Variants in GRM7 observed in about 807,000 individuals in gnomAD.
GRM7 encodes the protein glutamate metabotropic receptor 7.
GRM7 carries 35 observed loss-of-function variants against 84.5 expected under a neutral mutation model. The ratio of observed to expected loss-of-function variants is 0.41; its 90% CI spans 0.32 to 0.55. The LOEUF is 0.55. GRM7 is among the 20% of genes least tolerant of loss of function. The probability of loss-of-function intolerance (pLI) is 0.19; values close to 1 mark genes in which losing one functional copy is unlikely to be tolerated. For missense variants in GRM7, 1,003 were observed against 1,194.6 expected (o/e 0.84, Z 2.36); for synonymous variants, 487 against 455.1 (o/e 1.07, Z -0.89).
chr3:7,086,768 T>C (rs1376407155), intron 1 of GRM7, among the ~76,000 whole-genome samples: 1 of 152,210 alleles, frequency 6.6e-6, no homozygotes, highest in Non-Finnish European at 1.5e-5. Context: ...TTTTTGTCCT[T>C]TCTTGTTACA....
intron 1 of GRM7, among the ~76,000 whole-genome samples, chr3:7,034,159 T>C (rs1176922873): frequency 1.3e-5 from 2 of 152,216 alleles, no homozygotes; most frequent in African/African-American, 4.8e-5. Flanking sequence ...CTAGGTTCCT[T>C]GAATGATCTC....
chr3:7,101,227 G>T (rs577255588), intron 1 of GRM7, among the ~76,000 whole-genome samples: 3 of 151,664 alleles, frequency 2.0e-5, no homozygotes, highest in African/African-American at 7.3e-5. Context: ...CAGACAATCC[G>T]TGAGAGTTCC....
At chr3:7,376,613 C>CGCT (rs1694362104) in intron 4 of GRM7, among the ~76,000 whole-genome samples, 1 of 152,310 alleles carries the variant, frequency 6.6e-6, no homozygotes, top group African/African-American at 2.4e-5. Context: ...GCATGTGACC[C>CGCT]GCTGCCCTGA....
chr3:7,425,333 G>A (rs1223411070), intron 5 of GRM7, among the ~76,000 whole-genome samples: 1 of 152,142 alleles, frequency 6.6e-6, no homozygotes, highest in Admixed American at 6.6e-5. Context: ...TAAAAAGCTA[G>A]CAGTCTGTAC....
chr3:7,185,323 G>T (rs1002060846), intron 2 of GRM7, among the ~76,000 whole-genome samples: 59 of 152,184 alleles, frequency 3.9e-4, no homozygotes, highest in Non-Finnish European at 6.6e-4. Context: ...AAGTGATGGG[G>T]TTTTTTTGGC....
chr3:7,623,125 C>G (rs1697437012), intron 8 of GRM7, among the ~76,000 whole-genome samples: 1 of 152,106 alleles, frequency 6.6e-6, no homozygotes, highest in Non-Finnish European at 1.5e-5. Flanking sequence ...TATAAAGGCA[C>G]ACACGAGAAG....
intron 6 of GRM7, among the ~76,000 whole-genome samples, chr3:7,455,422 G>A (rs1412563164): frequency 6.6e-6 from 1 of 152,098 alleles, no homozygotes; most frequent in African/African-American, 2.4e-5. Context: ...CTGTGGTGGA[G>A]AAAACTGGGA....
chr3:7,091,197 T>G (rs1698650891), intron 1 of GRM7, among the ~76,000 whole-genome samples: 2 of 146,212 alleles, frequency 1.4e-5, no homozygotes, highest in African/African-American at 2.6e-5. Flanking sequence ...TTTGTAGGCC[T>G]GGCAGTGAAG....
At chr3:7,598,517 T>A (rs1268407729) in intron 8 of GRM7, among the ~76,000 whole-genome samples, 1 of 152,204 alleles carries the variant, frequency 6.6e-6, no homozygotes, top group African/African-American at 2.4e-5. Flanking sequence ...GCAAAGAAAC[T>A]TTCTTTAAAA....
intron 2 of GRM7, among the ~76,000 whole-genome samples, chr3:7,292,734 AAAAC>A (rs1394145816): frequency 2.0e-5 from 3 of 151,632 alleles, no homozygotes; most frequent in South Asian, 2.1e-4. Flanking sequence ...TTTAAAAAAA[AAAAC>A]AAACCATTGA....
intron 4 of GRM7, among the ~76,000 whole-genome samples, chr3:7,347,699 C>G (rs930069437): frequency 2.0e-5 from 3 of 152,108 alleles, no homozygotes; most frequent in Admixed American, 2.0e-4. Context: ...AAAAACAATG[C>G]AAAAACTTTA....
chr3:7,339,718 T>C (rs562632612), intron 4 of GRM7, among the ~76,000 whole-genome samples: 86 of 152,122 alleles, frequency 5.7e-4, no homozygotes, highest in Middle Eastern at 3.4e-3. Context: ...CATATCTAAG[T>C]ATGGGAGGGG....
chr3:7,161,449 T>C (rs1026063796), intron 2 of GRM7, among the ~76,000 whole-genome samples: 31 of 150,146 alleles, frequency 2.1e-4, no homozygotes, highest in African/African-American at 7.6e-4. Context: ...GAGAAATGTG[T>C]GGGTCACTTA....
At chr3:7,308,574 A>G (rs1012206332) in intron 4 of GRM7, among the ~76,000 whole-genome samples, 7 of 152,174 alleles carry the variant, frequency 4.6e-5, no homozygotes, top group African/African-American at 1.7e-4. Context: ...TGCATTGCAA[A>G]GGGTCTTGAA....
intron 9 of GRM7, among the ~76,000 whole-genome samples, chr3:7,730,164 C>G (rs1393246342): frequency 6.6e-6 from 1 of 151,564 alleles, no homozygotes; most frequent in Admixed American, 6.6e-5. Context: ...CCCACCACCA[C>G]ACCTGGCTAA....
At chr3:7,362,530 T>C (rs1307120204) in intron 4 of GRM7, among the ~76,000 whole-genome samples, 1 of 152,070 alleles carries the variant, frequency 6.6e-6, no homozygotes, top group African/African-American at 2.4e-5. Flanking sequence ...AAGTTAAGTA[T>C]GATTCCTACA....
chr3:7,672,066 C>G (rs1051026758), intron 8 of GRM7, among the ~76,000 whole-genome samples: 4 of 152,216 alleles, frequency 2.6e-5, no homozygotes, highest in African/African-American at 9.6e-5. Context: ...AGGATGCAAA[C>G]TCCCTCCCCT....
chr3:7,577,620 C>G (rs1009206076), intron 7 of GRM7, among the ~76,000 whole-genome samples: 2 of 152,156 alleles, frequency 1.3e-5, no homozygotes, highest in African/African-American at 4.8e-5. Context: ...GGTATGTTCC[C>G]CTCCAGAAAA....
At chr3:7,287,471 C>A (rs181502654) in intron 2 of GRM7, among the ~76,000 whole-genome samples, 1 of 152,230 alleles carries the variant, frequency 6.6e-6, no homozygotes, top group East Asian at 1.9e-4. Context: ...GAAGCATTTA[C>A]CCAAAGTCAT....
Sources: allele counts gnomAD v4.1 joint callset (sites outside exome capture counted in the v4.1 genomes callset), GRCh38; gene constraint gnomAD v4.1.1; transcripts MANE v1.5; gene names NCBI Gene and HGNC (gene_info 2026-07-23, HGNC 2026-07-21).